The following RMND5A variants were observed in gnomAD, a reference collection of about 807,000 sequenced individuals.
RMND5A encodes the protein required for meiotic nuclear division 5 homolog A.
A neutral mutation model predicts 49.7 loss-of-function variants in RMND5A; 17 were observed. The ratio of observed to expected loss-of-function variants is 0.34; its 90% CI spans 0.23 to 0.51. RMND5A has a LOEUF of 0.51. Ranked by LOEUF, RMND5A falls within the 20% of genes least tolerant of loss-of-function variation. RMND5A has a pLI of 0.96. For missense variants in RMND5A, 255 were observed against 471.3 expected (o/e 0.54, Z 4.25); for synonymous variants, 156 against 167.7 (o/e 0.93, Z 0.54).
chr2:86,766,766 A>G (rs1032783227), intron 6 of RMND5A, among the ~76,000 whole-genome samples: 1 of 151,958 alleles, frequency 6.6e-6, no homozygotes, highest in Non-Finnish European at 1.5e-5. Flanking sequence ...GGTGGGGGGA[A>G]TCTCTTGAGG....
chr2:86,754,962 AATAG>A (rs1361006717), intron 4 of RMND5A, among the ~76,000 whole-genome samples: 1 of 152,206 alleles, frequency 6.6e-6, no homozygotes, highest in Admixed American at 6.5e-5. Context: ...TATAAATTAT[AATAG>A]ATCTCACTTA....
intron 2 of RMND5A, among the ~76,000 whole-genome samples, chr2:86,747,448 G>A (rs936977813): frequency 6.6e-6 from 1 of 152,108 alleles, no homozygotes; most frequent in African/African-American, 2.4e-5. Flanking sequence ...GTTAGTCTGA[G>A]GAGAACCAGA....
At chr2:86,751,775 G>A (rs924578153) in intron 2 of RMND5A, 121 bp from the exon 3 acceptor site, 21 of 801,084 alleles carry the variant, frequency 2.6e-5, no homozygotes, top group African/African-American at 8.6e-5. Flanking sequence ...CCTTTGGGAC[G>A]CTATAAATTG....
chr2:86,743,016 T>C (rs1681475652), intron 2 of RMND5A, among the ~76,000 whole-genome samples: 1 of 152,198 alleles, frequency 6.6e-6, no homozygotes, highest in Non-Finnish European at 1.5e-5. Flanking sequence ...ATATGCCATG[T>C]ATGTCCCTGT....
intron 4 of RMND5A, among the ~76,000 whole-genome samples, chr2:86,755,962 A>G (rs1681730117): frequency 6.6e-6 from 1 of 152,202 alleles, no homozygotes; most frequent in African/African-American, 2.4e-5. Flanking sequence ...ATATTAACCT[A>G]TGAGGTAAGT....
chr2:86,757,637 A>T (rs1487058415), intron 4 of RMND5A, among the ~76,000 whole-genome samples: 1 of 152,192 alleles, frequency 6.6e-6, no homozygotes, highest in African/African-American at 2.4e-5. Context: ...TAACATACAT[A>T]TTGAAAGAAA....
chr2:86,736,354 T>A (rs956877120), intron 1 of RMND5A, among the ~76,000 whole-genome samples: 5 of 116,484 alleles, frequency 4.3e-5, no homozygotes, highest in African/African-American at 1.5e-4. Context: ...CTGCTAATTT[T>A]TGTATTCTTT....
Position 86,720,697 on chromosome 2 carries a change from G to C in RMND5A, c.30G>C (p.Glu10Asp), listed in dbSNP as rs758579719. ...ATCAGTGCGTGACGGTGGAGCGCGA[G>C]CTGGAGAAGGTGCTGCACAAGTTCT... MDQCVTVER[E>D]LEKVLHKFSG... The change falls in exon 1 of 9, where the codon GAG (glutamate) becomes GAC (aspartate). Residue 10 changes from glutamate (E) to aspartate (D), a missense_variant. Coordinates refer to ENST00000283632, the MANE Select transcript of RMND5A (RefSeq NM_022780.4). 1 of 1,573,776 alleles carries C rather than the reference G, an allele frequency of 6.4e-7. No individual in the cohort carries two copies. Among genetic ancestry groups the C allele is most frequent in the South Asian group, 1.2e-5 (1 of 86,430 alleles).
In RMND5A at chr2:86,721,084, G is replaced by A. The variant is rs1195285126; in HGVS notation, c.142+275G>A. 1.9e-4 allele frequency: 60 copies of A among 321,396 alleles called. 1 individual carries two copies. The South Asian group carries it at 2.8e-3, about 15-fold the overall frequency. The allele number at this position is 321,396 out of a possible 1,614,324, so 19.9% of individuals were successfully genotyped here. A position where few individuals can be genotyped will look rare whatever the true frequency, so the allele number is the denominator to read the frequency against. ...CCAGTCCGGATAAACGTGGGTGAGG[G>A]GGCCGCCCATCGCACCTGCAAACTG... is the stretch of plus-strand genomic sequence containing the variant. On this transcript the variant is annotated intron_variant, in intron 1 of 8. Coordinates refer to ENST00000283632, the MANE Select transcript of RMND5A (RefSeq NM_022780.4).
chr2:86,774,697 A>G lies in RMND5A; in HGVS notation c.*1286A>G, dbSNP rs560393109. The G allele has an allele frequency of 8.5e-5, 13 of 152,800 alleles. No homozygotes were observed. In the East Asian group the frequency reaches 1.3e-3, roughly 16 times the overall value. 9.5% of individuals were successfully genotyped at this position (152,800 alleles called of 1,614,324 possible). A position where few individuals can be genotyped will look rare whatever the true frequency, so the allele number is the denominator to read the frequency against. ...AGTATAAGAAGAACGTTACACGGAA[A>G]TCACCAAATATTTTGCAACTTTATT... is the stretch of plus-strand genomic sequence containing the variant. On this transcript the variant is annotated 3_prime_UTR_variant, in exon 9 of 9. Transcript: ENST00000283632.
intron 1 of RMND5A, among the ~76,000 whole-genome samples, chr2:86,721,599 C>A (rs1180168934): frequency 6.6e-6 from 1 of 151,542 alleles, no homozygotes; most frequent in Non-Finnish European, 1.5e-5. Context: ...GAAGGTGTTT[C>A]ACCTAGATTG....
At chr2:86,753,392 C>T (rs1286379370) in intron 3 of RMND5A, 66 bp from the exon 4 acceptor site, 1 of 924,980 alleles carries the variant, frequency 1.1e-6, no homozygotes, top group South Asian at 1.5e-5. Context: ...CTAGAATATA[C>T]TTTTACCACT....
At chr2:86,759,693 G>A (rs1373233780) in intron 4 of RMND5A, among the ~76,000 whole-genome samples, 2 of 143,028 alleles carry the variant, frequency 1.4e-5, no homozygotes, top group Non-Finnish European at 3.0e-5. Context: ...CCAGCTACTC[G>A]GGAGGCTGAG....
chr2:86,735,071 A>G (rs549150769), intron 1 of RMND5A, among the ~76,000 whole-genome samples: 2 of 150,646 alleles, frequency 1.3e-5, no homozygotes, highest in South Asian at 4.2e-4. Context: ...GTGTCATAGT[A>G]TGTATCAGTA....
At chr2:86,720,890 C>G in intron 1 of RMND5A, 81 bp downstream of exon 1, 3 of 1,367,252 alleles carry the variant, frequency 2.2e-6, no homozygotes, top group Non-Finnish European at 2.9e-6. Context: ...AATCCCTCAC[C>G]CACCCTCGCG....
chr2:86,720,865 C>T, intron 1 of RMND5A, 56 bp downstream of exon 1: 4 of 1,469,294 alleles, frequency 2.7e-6, no homozygotes, highest in South Asian at 1.3e-5. Flanking sequence ...GCCCCGGTCC[C>T]GGCCCCGCGG....
rs923140900 is a variant in RMND5A, at chr2:86,750,783, T to G, written c.286-1113T>G. On this transcript the variant is annotated intron_variant, in intron 2 of 8. Coordinates refer to ENST00000283632, the MANE Select transcript of RMND5A (RefSeq NM_022780.4). Reference sequence around the variant, plus strand: ...TCCCTGAGGCTCTGTTTTTTTTTTTTTTTTAAACTGGTGTTCAGATTGGAT... The same window carrying G: ...TCCCTGAGGCTCTGTTTTTTTTTTTGTTTTAAACTGGTGTTCAGATTGGAT... 5.9e-5 allele frequency among the ~76,000 whole-genome samples: 9 copies of G among 152,094 alleles called. No homozygotes were observed. In the East Asian group the frequency reaches 1.3e-3, roughly 23 times the overall value.
intron 5 of RMND5A, 116 bp from the exon 6 acceptor site, chr2:86,765,743 T>G (rs943257213): frequency 3.5e-6 from 3 of 857,016 alleles, no homozygotes; most frequent in Non-Finnish European, 5.3e-6. Context: ...ACCAGAATTT[T>G]AAAAGACCTG....
intron 1 of RMND5A, 119 bp from the exon 2 acceptor site, chr2:86,740,808 C>CAGAT: frequency 1.5e-6 from 2 of 1,337,246 alleles, no homozygotes; most frequent in South Asian, 3.5e-5. Flanking sequence ...AGCTTCAAAG[C>CAGAT]AGATACTGGT....
Sources: gnomAD v4.1 joint callset for allele counts (sites outside exome capture counted in the v4.1 genomes callset) on GRCh38, gnomAD v4.1.1 for gene constraint, MANE v1.5 for transcripts, NCBI Gene and HGNC (gene_info 2026-07-23, HGNC 2026-07-21) for gene names.